ACCSL: variants seen among roughly 807,000 people sequenced by gnomAD.
ACCSL encodes 1-aminocyclopropane-1-carboxylate synthase homolog (inactive) like.
In ACCSL, 55 loss-of-function variants were observed where a neutral mutation model predicts 61.7. The observed-to-expected ratio is 0.89, with a 90% CI of 0.72 to 1.12. ACCSL has a LOEUF of 1.12. Among genes scored for constraint, ACCSL ranks in the 50% most tolerant of loss-of-function variants. ACCSL has a pLI of 0.00. For missense variants in ACCSL, 632 were observed against 698.0 expected (o/e 0.91, Z 1.07); for synonymous variants, 258 against 264.3 (o/e 0.98, Z 0.23).
At chr11:44,022,542 C>T in the ACCSL span, among the ~76,000 whole-genome samples, 74 of 152,154 alleles carry the variant, frequency 4.9e-4, no homozygotes, top group African/African-American at 1.6e-3. Flanking sequence ...TCTAGGCATA[C>T]GATCATATCA....
At chr11:43,957,325 G>C in the ACCSL span, among the ~76,000 whole-genome samples, 3 of 151,942 alleles carry the variant, frequency 2.0e-5, no homozygotes, top group African/African-American at 7.3e-5. Flanking sequence ...GAGGAGGGGG[G>C]TTCCAGGTCA....
chr11:44,051,838 G>C (rs1952641611), intron 5 of ACCSL, 119 bp downstream of exon 5: 3 of 1,210,104 alleles, frequency 2.5e-6, no homozygotes, highest in Non-Finnish European at 3.6e-6. Context: ...TCCCCAAAGT[G>C]GTGGGCCTTC....
the ACCSL span, among the ~76,000 whole-genome samples, chr11:43,987,576 G>A: frequency 1.3e-5 from 2 of 152,146 alleles, no homozygotes; most frequent in South Asian, 4.1e-4. Context: ...AGCAGGACAG[G>A]AAGTGGAATC....
the ACCSL span, among the ~76,000 whole-genome samples, chr11:43,956,984 CATAAG>C: frequency 5.9e-5 from 9 of 152,184 alleles, no homozygotes; most frequent in South Asian, 1.9e-3. Flanking sequence ...CTATATTTTA[CATAAG>C]ATAAGGTGAA....
the ACCSL span, among the ~76,000 whole-genome samples, chr11:44,005,171 C>T: frequency 6.6e-6 from 1 of 151,798 alleles, no homozygotes; most frequent in Non-Finnish European, 1.5e-5. Flanking sequence ...GTTTCAATGG[C>T]TGTCCCTCCA....
chr11:43,973,528 C>A, the ACCSL span, among the ~76,000 whole-genome samples: 1 of 152,026 alleles, frequency 6.6e-6, no homozygotes, highest in African/African-American at 2.4e-5. Context: ...AATCAAATAC[C>A]ATCCCCATCT....
chr11:43,990,834 G>A, the ACCSL span, among the ~76,000 whole-genome samples: 1 of 152,116 alleles, frequency 6.6e-6, no homozygotes, highest in Admixed American at 6.5e-5. Context: ...ACTTTGGGAG[G>A]CCGAGGTGGG....
the ACCSL span, among the ~76,000 whole-genome samples, chr11:44,016,755 A>G: frequency 6.6e-6 from 1 of 152,150 alleles, no homozygotes; most frequent in Non-Finnish European, 1.5e-5. Flanking sequence ...CAAAGCTGCT[A>G]TGGCATTTCT....
the ACCSL span, chr11:43,943,334 A>G: frequency 7.1e-7 from 1 of 1,406,302 alleles, no homozygotes. The surrounding 1 kb of genome is among the most constrained non-coding windows in gnomAD (Gnocchi z 4.8). Flanking sequence ...CGGCGTGTGA[A>G]CCCCGAGAGT....
chr11:44,013,572 C>T, the ACCSL span, among the ~76,000 whole-genome samples: 2 of 152,084 alleles, frequency 1.3e-5, no homozygotes, highest in African/African-American at 2.4e-5. Context: ...GGATTACAGG[C>T]GCGAGCCACC....
the ACCSL span, chr11:43,921,119 G>C: frequency 1.3e-5 from 2 of 152,228 alleles, no homozygotes; most frequent in South Asian, 4.1e-4. Flanking sequence ...AATTTAAATG[G>C]ATGAAAATAG....
chr11:43,928,452 A>G, the ACCSL span, among the ~76,000 whole-genome samples: 3 of 152,224 alleles, frequency 2.0e-5, no homozygotes, highest in Non-Finnish European at 4.4e-5. Flanking sequence ...GCTTACCTCC[A>G]TGACCACAGT....
chr11:44,007,269 T>C, the ACCSL span, among the ~76,000 whole-genome samples: 1 of 152,172 alleles, frequency 6.6e-6, no homozygotes, highest in African/African-American at 2.4e-5. Context: ...GGGGACTGAA[T>C]TTTATTTGAA....
the ACCSL span, among the ~76,000 whole-genome samples, chr11:43,976,382 A>G: frequency 1.3e-5 from 2 of 152,218 alleles, no homozygotes; most frequent in African/African-American, 4.8e-5. Flanking sequence ...TTGGTCTTCT[A>G]TGTATATGCA....
At chr11:43,955,279 C>T in the ACCSL span, among the ~76,000 whole-genome samples, 1 of 152,244 alleles carries the variant, frequency 6.6e-6, no homozygotes, top group Admixed American at 6.5e-5. Flanking sequence ...CATTTGTGCT[C>T]CTATAACTAA....
At chr11:43,952,259 G>A in the ACCSL span, among the ~76,000 whole-genome samples, 4 of 151,884 alleles carry the variant, frequency 2.6e-5, no homozygotes, top group Admixed American at 6.6e-5. Flanking sequence ...TGTGTCTGTC[G>A]TTCCTTTCTT....
chr11:43,929,532 G>C, the ACCSL span, among the ~76,000 whole-genome samples: 2 of 152,086 alleles, frequency 1.3e-5, no homozygotes, highest in Admixed American at 6.5e-5. Flanking sequence ...TCAGCGTCTT[G>C]AGTAGCTGGG....
the ACCSL span, among the ~76,000 whole-genome samples, chr11:44,026,098 T>G: frequency 1.3e-5 from 2 of 152,224 alleles, no homozygotes; most frequent in African/African-American, 4.8e-5. Context: ...TGTGCAGTTT[T>G]CAGCCATTAT....
At chr11:43,943,436 C>G in the ACCSL span, 2 of 1,435,626 alleles carry the variant, frequency 1.4e-6, no homozygotes, top group Non-Finnish European at 1.9e-6. The surrounding 1 kb of genome is among the most constrained non-coding windows in gnomAD (Gnocchi z 4.8). Context: ...CCGGTCGGTG[C>G]GCCCCTCGCC....
Sources: gnomAD v4.1 joint callset for allele counts (sites outside exome capture counted in the v4.1 genomes callset) on GRCh38, gnomAD v4.1.1 for gene constraint, Gnocchi (gnomAD v3.1) non-coding constraint, MANE v1.5 for transcripts, NCBI Gene and HGNC (gene_info 2026-07-23, HGNC 2026-07-21) for gene names.